Variants in CTNNA1 observed in about 807,000 individuals in gnomAD.
CTNNA1 encodes the protein catenin alpha 1, also known as catenin alpha-1.
In CTNNA1, 37 loss-of-function variants were observed where a neutral mutation model predicts 98.4. The observed-to-expected ratio is 0.38, with a 90% CI of 0.29 to 0.49. CTNNA1 has a LOEUF of 0.49. Ranked by LOEUF, CTNNA1 falls within the 20% of genes least tolerant of loss-of-function variation. The pLI, the probability that CTNNA1 is intolerant of heterozygous loss-of-function variation, is 0.95. For missense variants in CTNNA1, 761 were observed against 1,147.2 expected (o/e 0.66, Z 4.86); for synonymous variants, 404 against 413.2 (o/e 0.98, Z 0.27).
chr5:138,776,713 G>A (rs867017403), intron 1 of CTNNA1, among the ~76,000 whole-genome samples: 26 of 148,848 alleles, frequency 1.7e-4, no homozygotes, highest in East Asian at 4.1e-4. Flanking sequence ...GCGGCTGGCC[G>A]GGCAGAGGGG....
intron 7 of CTNNA1, among the ~76,000 whole-genome samples, chr5:138,846,669 A>G (rs1762753975): frequency 6.6e-6 from 1 of 152,208 alleles, no homozygotes; most frequent in Non-Finnish European, 1.5e-5. Context: ...CTGACTTTGT[A>G]TGGGACAAAC....
At chr5:138,760,413 G>A (rs149868379) in intron 1 of CTNNA1, among the ~76,000 whole-genome samples, 3,432 of 150,844 alleles carry the variant, frequency 0.023, 133 homozygotes, top group African/African-American at 0.08. Context: ...GTCCAGGCTG[G>A]AGTGCAGTGG....
intron 7 of CTNNA1, chr5:138,827,970 A>T (rs11960341): frequency 0.019 from 9,093 of 487,602 alleles, 373 homozygotes; most frequent in African/African-American, 0.1. Context: ...GTATTCATCA[A>T]TTAACATGTA....
chr5:138,771,612 C>G (rs1200582815), intron 1 of CTNNA1, among the ~76,000 whole-genome samples: 1 of 152,036 alleles, frequency 6.6e-6, no homozygotes. Context: ...GTCTTGAACT[C>G]CTGAGCTCAA....
chr5:138,893,623 AATTT>A (rs1225598784), intron 9 of CTNNA1, among the ~76,000 whole-genome samples: 2 of 150,164 alleles, frequency 1.3e-5, no homozygotes, highest in East Asian at 3.9e-4. Flanking sequence ...TATTTTTTAA[AATTT>A]ATTTGTTTAT....
intron 10 of CTNNA1, among the ~76,000 whole-genome samples, chr5:138,908,553 T>C (rs1045497954): frequency 1.8e-4 from 27 of 150,388 alleles, no homozygotes; most frequent in African/African-American, 6.5e-4. Flanking sequence ...TAGTCCCAGC[T>C]ACTCAGGAGG....
At chr5:138,857,061 T>C (rs1763791915) in intron 7 of CTNNA1, among the ~76,000 whole-genome samples, 1 of 152,222 alleles carries the variant, frequency 6.6e-6, no homozygotes, top group Non-Finnish European at 1.5e-5. Context: ...CATGTTCTTT[T>C]TCACCTGACC....
intron 9 of CTNNA1, among the ~76,000 whole-genome samples, chr5:138,894,647 A>C (rs957114099): frequency 2.4e-5 from 3 of 127,374 alleles, no homozygotes; most frequent in Non-Finnish European, 5.0e-5. Context: ...CCTCCTGATT[A>C]TGATTATGAT....
At chr5:138,770,960 A>C (rs1753485749) in intron 1 of CTNNA1, among the ~76,000 whole-genome samples, 1 of 151,984 alleles carries the variant, frequency 6.6e-6, no homozygotes, top group South Asian at 2.1e-4. Context: ...CAAAAAAAAA[A>C]AAAAACACAA....
intron 9 of CTNNA1, among the ~76,000 whole-genome samples, chr5:138,899,699 CACCAGAG>C (rs1757611187): frequency 6.6e-6 from 1 of 152,228 alleles, no homozygotes; most frequent in African/African-American, 2.4e-5. Context: ...CCCCACCACC[CACCAGAG>C]GAAACACTGT....
intron 1 of CTNNA1, among the ~76,000 whole-genome samples, chr5:138,776,644 C>T (rs1192081027): frequency 1.3e-5 from 2 of 151,848 alleles, no homozygotes; most frequent in African/African-American, 2.4e-5. Context: ...CCCCTCACCT[C>T]CCGGACGGGG....
chr5:138,916,601 C>T (rs1761831949), intron 10 of CTNNA1, among the ~76,000 whole-genome samples: 1 of 151,600 alleles, frequency 6.6e-6, no homozygotes. Context: ...CAGCTCACTG[C>T]ACCCTTGACC....
At chr5:138,820,270 G>C (rs884469) in intron 5 of CTNNA1, among the ~76,000 whole-genome samples, 95,490 of 151,546 alleles carry the variant, frequency 0.63, 31,310 homozygotes, top group East Asian at 0.89. Context: ...ACTTAGCCTT[G>C]GGGATGAAGG....
At chr5:138,762,164 G>A (rs1752442435) in intron 1 of CTNNA1, 1 of 152,234 alleles carries the variant, frequency 6.6e-6, no homozygotes, top group African/African-American at 2.4e-5. Flanking sequence ...AACACATCTG[G>A]AAGAGTCTCA....
At position 138,873,590 on chromosome 5, in the gene CTNNA1, G is replaced by C; in HGVS notation, c.1063-12622G>C. 1 of 1,614,008 alleles carries C rather than the reference G, an allele frequency of 6.2e-7. No homozygotes were observed. The highest frequency in any genetic ancestry group is 8.5e-7 in the Non-Finnish European group (1 of 1,179,904). ...CCGACCTTGGAAACTGCCCAGCCAG[G>C]AGGCCAGAGCACATATTCGGGCGCT... On this transcript the variant is annotated intron_variant, in intron 7 of 17. Transcript: ENST00000302763. This position sits in a 1 kb window ranked among gnomAD's most constrained non-coding sequence, Gnocchi z 6.1.
intron 7 of CTNNA1, chr5:138,881,068 T>C: frequency 2.2e-6 from 1 of 456,284 alleles, no homozygotes; most frequent in Non-Finnish European, 4.4e-6. Flanking sequence ...CGTCTGCAGT[T>C]GAGATGTTGA....
At chr5:138,842,392 AC>A (rs547784353) in intron 7 of CTNNA1, among the ~76,000 whole-genome samples, 134 of 152,338 alleles carry the variant, frequency 8.8e-4, no homozygotes, top group African/African-American at 3.2e-3. Flanking sequence ...TGTTTATGTT[AC>A]TTTGAAGATT....
chr5:138,918,023 G>A (rs1031481014), intron 11 of CTNNA1, 125 bp downstream of exon 11: 1 of 1,042,978 alleles, frequency 9.6e-7, no homozygotes, highest in Non-Finnish European at 1.4e-6. Context: ...ATATTGTGCT[G>A]GTTTTCATTT....
intron 5 of CTNNA1, among the ~76,000 whole-genome samples, chr5:138,813,203 A>T (rs774935012): frequency 5.3e-5 from 8 of 152,218 alleles, no homozygotes; most frequent in Non-Finnish European, 1.2e-4. Context: ...GATATTTTTC[A>T]TCACTATCGT....
Sources: allele counts gnomAD v4.1 joint callset (sites outside exome capture counted in the v4.1 genomes callset), GRCh38; gene constraint gnomAD v4.1.1; non-coding constraint Gnocchi (gnomAD v3.1); transcripts MANE v1.5; gene names NCBI Gene and HGNC (gene_info 2026-07-23, HGNC 2026-07-21).